Variants in RAB6A observed in about 807,000 individuals in gnomAD.
The protein encoded by RAB6A is RAB6A, member RAS oncogene family.
In RAB6A, 8 loss-of-function variants were observed where a neutral mutation model predicts 32.3. The ratio of observed to expected loss-of-function variants is 0.25; its 90% confidence interval spans 0.15 to 0.45. RAB6A has a LOEUF of 0.45. Ranked by LOEUF, RAB6A falls within the 20% of genes least tolerant of loss-of-function variation. RAB6A has a pLI of 1.00. For synonymous variants in RAB6A, 73 were observed against 82.1 expected (o/e 0.89, Z 0.60); for missense variants, 104 against 249.4 (o/e 0.42, Z 3.93).
At chr11:73,707,055 T>C (rs546006180) in intron 6 of RAB6A, among the ~76,000 whole-genome samples, 68 of 149,674 alleles carry the variant, frequency 4.5e-4, no homozygotes, top group African/African-American at 1.4e-3. Flanking sequence ...GAGGTGGAGG[T>C]TGCAGTGAGC....
chr11:73,719,557 A>G (rs142503127), intron 3 of RAB6A, among the ~76,000 whole-genome samples: 112 of 152,306 alleles, frequency 7.4e-4, no homozygotes, highest in Admixed American at 2.7e-3. Flanking sequence ...ACAGGAAGAA[A>G]AGCCTGAAAA....
chr11:73,751,937 T>TAAAAA (rs907332111), intron 1 of RAB6A, among the ~76,000 whole-genome samples: 1 of 151,836 alleles, frequency 6.6e-6, no homozygotes, highest in African/African-American at 2.4e-5. Flanking sequence ...CACAAGAGCA[T>TAAAAA]AAAAAACAAA....
At chr11:73,731,538 C>CA (rs542226534) in intron 1 of RAB6A, among the ~76,000 whole-genome samples, 3,551 of 75,302 alleles carry the variant, frequency 0.047, 86 homozygotes, top group Middle Eastern at 0.086. Context: ...GACTCCGTCT[C>CA]AAAAAAAAAA....
At chr11:73,694,331 C>T (rs1945623739) in intron 6 of RAB6A, among the ~76,000 whole-genome samples, 1 of 152,076 alleles carries the variant, frequency 6.6e-6, no homozygotes, top group African/African-American at 2.4e-5. Context: ...GTTAATAACC[C>T]CATTTTAAAC....
At chr11:73,722,057 A>ATATATATATATTTTTTTTTTTTTTTTT (rs1555061907) in intron 2 of RAB6A, among the ~76,000 whole-genome samples, 3 of 141,086 alleles carry the variant, frequency 2.1e-5, no homozygotes, top group South Asian at 4.2e-4. Flanking sequence ...TTCTGCCATG[A>ATATATATATATTTTTTTTTTTTTTTTT]TTGTAAGTTT....
At chr11:73,708,307 T>G (rs915138401) in intron 5 of RAB6A, among the ~76,000 whole-genome samples, 1 of 152,122 alleles carries the variant, frequency 6.6e-6, no homozygotes, top group Non-Finnish European at 1.5e-5. Flanking sequence ...CAGCTGGGAT[T>G]ATAGGCGCCC....
chr11:73,682,865 A>C (rs979550461), intron 6 of RAB6A, among the ~76,000 whole-genome samples: 1 of 152,136 alleles, frequency 6.6e-6, no homozygotes, highest in African/African-American at 2.4e-5. Flanking sequence ...TAATAATATA[A>C]GGTTAGGCAA....
intron 1 of RAB6A, among the ~76,000 whole-genome samples, chr11:73,756,124 C>G (rs1004818412): frequency 6.6e-6 from 1 of 151,382 alleles, no homozygotes; most frequent in Admixed American, 6.6e-5. Flanking sequence ...AGGCTGAGGC[C>G]GGAGGATCTC....
chr11:73,714,209 A>AAAATAT (rs35864471), intron 5 of RAB6A, among the ~76,000 whole-genome samples: 15 of 57,572 alleles, frequency 2.6e-4, no homozygotes, highest in African/African-American at 8.7e-4. Context: ...AAAAAAAAAA[A>AAAATAT]ATATATATAT....
chr11:73,722,519 G>C (rs1265590545), intron 2 of RAB6A: 2 of 150,488 alleles, frequency 1.3e-5, no homozygotes, highest in African/African-American at 4.9e-5. Flanking sequence ...TTTTTTTATA[G>C]AGACAGGGTT....
intron 5 of RAB6A, among the ~76,000 whole-genome samples, chr11:73,711,303 C>T (rs200859754): frequency 1.2e-4 from 18 of 151,514 alleles, no homozygotes; most frequent in African/African-American, 3.9e-4. Context: ...CCTCATTTTG[C>T]TTTAGGTAAT....
At chr11:73,739,767 A>G (rs1420713132) in intron 1 of RAB6A, among the ~76,000 whole-genome samples, 1 of 152,156 alleles carries the variant, frequency 6.6e-6, no homozygotes, top group Non-Finnish European at 1.5e-5. Flanking sequence ...TAAAAAAGAG[A>G]AGCCTCAGGC....
chr11:73,714,289 T>C (rs1590855204), intron 5 of RAB6A, among the ~76,000 whole-genome samples: 1 of 145,770 alleles, frequency 6.9e-6, no homozygotes, highest in Admixed American at 7.0e-5. Context: ...TATTAAGCAA[T>C]AAAAAAATCC....
intron 1 of RAB6A, among the ~76,000 whole-genome samples, chr11:73,748,925 G>A (rs1216535904): frequency 6.6e-6 from 1 of 151,984 alleles, no homozygotes; most frequent in Non-Finnish European, 1.5e-5. Context: ...AGGAGTTCAA[G>A]ACCAGCCTGG....
chr11:73,741,547 T>C (rs1590883589), intron 1 of RAB6A, among the ~76,000 whole-genome samples: 1 of 150,372 alleles, frequency 6.7e-6, no homozygotes, highest in African/African-American at 2.4e-5. Flanking sequence ...AAAAAGGACG[T>C]ACATGTATGT....
At chr11:73,695,974 AAGG>A (rs1276399855) in intron 6 of RAB6A, among the ~76,000 whole-genome samples, 10 of 152,252 alleles carry the variant, frequency 6.6e-5, no homozygotes, top group African/African-American at 2.2e-4. Flanking sequence ...TACACTGGAG[AAGG>A]AGATTTCAAA....
intron 6 of RAB6A, among the ~76,000 whole-genome samples, chr11:73,695,867 C>A (rs1035743586): frequency 6.6e-6 from 1 of 152,126 alleles, no homozygotes; most frequent in East Asian, 1.9e-4. Flanking sequence ...TGATGACAAG[C>A]TGAATATGGT....
At chr11:73,694,392 G>A (rs1386804201) in intron 6 of RAB6A, among the ~76,000 whole-genome samples, 4 of 152,194 alleles carry the variant, frequency 2.6e-5, no homozygotes, top group Non-Finnish European at 5.9e-5. Context: ...GCAGAGCTGA[G>A]ATTCCAAAGC....
intron 6 of RAB6A, among the ~76,000 whole-genome samples, chr11:73,698,601 C>T (rs1185450064): frequency 6.6e-6 from 1 of 152,082 alleles, no homozygotes; most frequent in East Asian, 1.9e-4. Context: ...GCAGTTGACT[C>T]GTAGGATTGT....
Sources: gnomAD v4.1 joint callset for allele counts (sites outside exome capture counted in the v4.1 genomes callset) on GRCh38, gnomAD v4.1.1 for gene constraint, MANE v1.5 for transcripts, NCBI Gene and HGNC (gene_info 2026-07-23, HGNC 2026-07-21) for gene names.